Variants in IGF2BP3 observed in about 807,000 individuals in gnomAD.
IGF2BP3 encodes the protein insulin-like growth factor 2 mRNA-binding protein 3.
In IGF2BP3, 9 loss-of-function variants were observed where a neutral mutation model predicts 73.8. The ratio of observed to expected loss-of-function variants is 0.12; its 90% confidence interval spans 0.07 to 0.21. The LOEUF is 0.21. IGF2BP3 is among the 10% of genes least tolerant of loss of function. The pLI is 1.00. For synonymous variants in IGF2BP3, 258 were observed against 256.7 expected (o/e 1.01, Z -0.05); for missense variants, 542 against 714.0 (o/e 0.76, Z 2.75).
chr7:23,325,736 TGGAACAGAAC>T (rs1381955099), intron 10 of IGF2BP3, among the ~76,000 whole-genome samples: 1 of 152,122 alleles, frequency 6.6e-6, no homozygotes, highest in Admixed American at 6.6e-5. Flanking sequence ...TATAGATCAA[TGGAACAGAAC>T]AGAACAGAGC....
chr7:23,437,552 A>T (rs759265028), intron 2 of IGF2BP3, among the ~76,000 whole-genome samples: 6 of 152,040 alleles, frequency 3.9e-5, no homozygotes, highest in Non-Finnish European at 7.4e-5. Flanking sequence ...CTTAAATGAA[A>T]TCCTTTGTTA....
At chr7:23,405,841 A>C (rs898311920) in intron 3 of IGF2BP3, among the ~76,000 whole-genome samples, 8 of 152,284 alleles carry the variant, frequency 5.3e-5, no homozygotes, top group African/African-American at 1.9e-4. Context: ...CCTGAGAACA[A>C]ACAAGTCCAT....
intron 2 of IGF2BP3, among the ~76,000 whole-genome samples, chr7:23,452,735 GA>G: frequency 6.6e-6 from 1 of 151,134 alleles, no homozygotes; most frequent in Non-Finnish European, 1.5e-5. Context: ...CCAGGAGGCG[GA>G]GGTTGCAGTG....
chr7:23,394,020 C>CACTTGTGTAT (rs1786369307), intron 3 of IGF2BP3, among the ~76,000 whole-genome samples: 1 of 152,092 alleles, frequency 6.6e-6, no homozygotes, highest in African/African-American at 2.4e-5. Context: ...GTAATTCCTA[C>CACTTGTGTAT]ACTTGTGTAT....
In IGF2BP3 at chr7:23,435,614, C is replaced by G. The variant is rs188473085; in HGVS notation, c.237-16790G>C. Among the ~76,000 whole-genome samples, 1,142 of 152,068 alleles carry G rather than the reference C, an allele frequency of 7.5e-3. 14 individuals carry two copies. Among genetic ancestry groups the G allele is most frequent in the African/African-American group, 0.027 (1,102 of 41,504 alleles). ...GGGATTACAGGCGCCCACCACCACG[C>G]CCGGCTAATTTTTTTGTATTTTTAG... On this transcript the variant is annotated intron_variant, in intron 2 of 14. Coordinates refer to ENST00000258729, the MANE Select transcript of IGF2BP3 (RefSeq NM_006547.3).
intron 3 of IGF2BP3, among the ~76,000 whole-genome samples, chr7:23,404,110 C>T (rs1786753722): frequency 1.3e-5 from 2 of 151,346 alleles, no homozygotes; most frequent in Admixed American, 1.3e-4. Context: ...CCACCTGACT[C>T]CAGCCTGGGT....
At chr7:23,421,395 A>G (rs530345097) in intron 2 of IGF2BP3, among the ~76,000 whole-genome samples, 1 of 152,094 alleles carries the variant, frequency 6.6e-6, no homozygotes, top group South Asian at 2.1e-4. Flanking sequence ...TGTTGCTTCA[A>G]TTAAAAGAAA....
intron 10 of IGF2BP3, among the ~76,000 whole-genome samples, chr7:23,327,317 G>A (rs1007480607): frequency 1.2e-4 from 15 of 129,942 alleles, no homozygotes; most frequent in African/African-American, 4.4e-4. Flanking sequence ...GTCTCGCTCT[G>A]TGGCCCAGGC....
At chr7:23,378,764 G>T (rs1012407544) in intron 3 of IGF2BP3, among the ~76,000 whole-genome samples, 1 of 151,728 alleles carries the variant, frequency 6.6e-6, no homozygotes, top group Non-Finnish European at 1.5e-5. Context: ...AGTAGAGACG[G>T]GGTTTCACCA....
At chr7:23,444,614 G>A (rs1788013703) in intron 2 of IGF2BP3, among the ~76,000 whole-genome samples, 1 of 151,502 alleles carries the variant, frequency 6.6e-6, no homozygotes, top group Non-Finnish European at 1.5e-5. Context: ...ATGGTGGTAA[G>A]TGCTGGTAAT....
intron 10 of IGF2BP3, among the ~76,000 whole-genome samples, chr7:23,331,211 ATGATGATT>A (rs1204487450): frequency 6.6e-6 from 1 of 152,208 alleles, no homozygotes; most frequent in African/African-American, 2.4e-5. Flanking sequence ...ATTTGGGACC[ATGATGATT>A]TGGAACTGTC....
intron 10 of IGF2BP3, among the ~76,000 whole-genome samples, chr7:23,326,258 AC>A (rs1171069955): frequency 1.3e-5 from 2 of 152,240 alleles, no homozygotes; most frequent in African/African-American, 4.8e-5. Context: ...TGGGCCAAGG[AC>A]ATGAACAGAC....
intron 6 of IGF2BP3, among the ~76,000 whole-genome samples, chr7:23,349,082 T>A (rs1458746031): frequency 1.3e-5 from 2 of 152,230 alleles, no homozygotes; most frequent in Admixed American, 6.5e-5. Context: ...GGTAACTTTT[T>A]AATTTACATA....
Position 23,359,708 on chromosome 7 carries a change from GCCAGTC to G in IGF2BP3, c.401+1820_401+1825del, listed in dbSNP as rs1253535298. On this transcript the variant is annotated intron_variant, in intron 5 of 14. Coordinates refer to ENST00000258729, the MANE Select transcript of IGF2BP3 (RefSeq NM_006547.3). Reference sequence around the variant, plus strand: ...CAAAAAAAATACAAAAAAAAAGACTGCCAGTCTCATAACCCAGCCTCAAAATAAATA... The same window carrying G: ...CAAAAAAAATACAAAAAAAAAGACTGTCATAACCCAGCCTCAAAATAAATA... Among the ~76,000 whole-genome samples, 6 of 152,100 alleles carry G rather than the reference GCCAGTC, an allele frequency of 3.9e-5. No homozygotes were observed. The East Asian group carries it at 1.2e-3, about 29-fold the overall frequency.
At position 23,374,788 on chromosome 7, in the gene IGF2BP3, C is replaced by G. The variant is rs956053522; in HGVS notation, c.286-13047G>C. ...TCACATAGGTTCTTTTCTATATTCC[C>G]TAAGTGTCGGCCGGTCTGAGAAATA... On this transcript the variant is annotated intron_variant, in intron 3 of 14. Transcript: ENST00000258729. Among the ~76,000 whole-genome samples the G allele has an allele frequency of 3.0e-4, 45 of 152,046 alleles. 1 individual carries two copies. The highest frequency in any genetic ancestry group is 1.1e-3 in the African/African-American group (44 of 41,374).
chr7:23,388,820 T>A (rs1357559158), intron 3 of IGF2BP3, among the ~76,000 whole-genome samples: 2 of 147,642 alleles, frequency 1.4e-5, no homozygotes, highest in East Asian at 4.1e-4. Context: ...AAAGCAAACA[T>A]CCACATAGAG....
At chr7:23,388,559 T>G (rs1230139054) in intron 3 of IGF2BP3, among the ~76,000 whole-genome samples, 2 of 150,364 alleles carry the variant, frequency 1.3e-5, no homozygotes, top group African/African-American at 2.4e-5. Flanking sequence ...GGAACAGAGA[T>G]AAATTTTGTC....
At chr7:23,320,277 CA>C (rs1784100730) in intron 10 of IGF2BP3, among the ~76,000 whole-genome samples, 1 of 152,172 alleles carries the variant, frequency 6.6e-6, no homozygotes, top group South Asian at 2.1e-4. Context: ...AAAGGTCATT[CA>C]TAAATAGATT....
chr7:23,312,114 T>TCCCTC lies in IGF2BP3; in HGVS notation c.*243_*247dup, dbSNP rs1232048280. On this transcript the variant is annotated 3_prime_UTR_variant, in exon 15 of 15. Transcript: ENST00000258729. ...GAAGTGCAGAGCTCTTCTCTTTCCCTCCCTCCCCCACCCTTTTTTTGTTTG... is the reference window on the plus strand; with the variant it reads ...GAAGTGCAGAGCTCTTCTCTTTCCCTCCCTCCCCTCCCCCACCCTTTTTTTGTTTG... 4 of 405,136 alleles carry TCCCTC rather than the reference T, an allele frequency of 9.9e-6. No homozygotes were observed. The highest frequency in any genetic ancestry group is 1.3e-5 in the Non-Finnish European group (3 of 224,482). The allele number at this position is 405,136 out of a possible 1,614,324, so 25.1% of individuals were successfully genotyped here. A position where few individuals can be genotyped will look rare whatever the true frequency, so the allele number is the denominator to read the frequency against.
Sources: gnomAD v4.1 joint callset for allele counts (sites outside exome capture counted in the v4.1 genomes callset) on GRCh38, gnomAD v4.1.1 for gene constraint, MANE v1.5 for transcripts, NCBI Gene and HGNC (gene_info 2026-07-23, HGNC 2026-07-21) for gene names.